GALNTL6: variants seen among roughly 807,000 people sequenced by gnomAD.
GALNTL6 encodes polypeptide N-acetylgalactosaminyltransferase like 6.
A neutral mutation model predicts 73.7 loss-of-function variants in GALNTL6; 46 were observed. The ratio of observed to expected loss-of-function variants is 0.62; its 90% CI spans 0.49 to 0.80. The LOEUF (loss-of-function observed/expected upper bound fraction) is 0.80, where lower values mean the gene tolerates loss of function less well. Among genes scored for constraint, GALNTL6 ranks in the 30% least tolerant of loss-of-function variants. The pLI, the probability that GALNTL6 is intolerant of heterozygous loss-of-function variation, is 0.00. For missense variants in GALNTL6, 604 were observed against 755.0 expected (o/e 0.80, Z 2.34); for synonymous variants, 259 against 263.7 (o/e 0.98, Z 0.17).
At chr4:171,924,670 G>C (rs1737920190) in intron 2 of GALNTL6, among the ~76,000 whole-genome samples, 2 of 152,156 alleles carry the variant, frequency 1.3e-5, no homozygotes, top group African/African-American at 4.8e-5. Context: ...AAGGTATTCT[G>C]TTGGCTTGAA....
intron 2 of GALNTL6, among the ~76,000 whole-genome samples, chr4:172,167,889 G>A (rs1204301830): frequency 6.7e-6 from 1 of 149,702 alleles, no homozygotes; most frequent in Non-Finnish European, 1.5e-5. Context: ...AACCCGGGAA[G>A]CGGAGCTTGC....
chr4:172,611,831 G>T (rs766431206), intron 5 of GALNTL6, among the ~76,000 whole-genome samples: 12 of 152,032 alleles, frequency 7.9e-5, no homozygotes, highest in Admixed American at 1.3e-4. Context: ...AGAAGATGGA[G>T]ATTCTGATTG....
chr4:171,844,293 A>C (rs1735314558), intron 2 of GALNTL6, among the ~76,000 whole-genome samples: 1 of 152,028 alleles, frequency 6.6e-6, no homozygotes, highest in Non-Finnish European at 1.5e-5. Context: ...TCTTCATCCT[A>C]TGGTTAACTT....
chr4:172,901,596 G>A (rs1468750851), intron 8 of GALNTL6, among the ~76,000 whole-genome samples: 1 of 152,062 alleles, frequency 6.6e-6, no homozygotes, highest in African/African-American at 2.4e-5. Context: ...TCATTATCAT[G>A]CATCTTTGTT....
chr4:172,526,495 A>G (rs1734958030), intron 5 of GALNTL6, among the ~76,000 whole-genome samples: 1 of 152,202 alleles, frequency 6.6e-6, no homozygotes, highest in Admixed American at 6.5e-5. Context: ...TTTCAATATT[A>G]TGACTTGTTT....
intron 2 of GALNTL6, among the ~76,000 whole-genome samples, chr4:172,162,207 C>G (rs1734492226): frequency 1.3e-5 from 2 of 151,652 alleles, no homozygotes; most frequent in Non-Finnish European, 2.9e-5. Flanking sequence ...CAATATCTAG[C>G]ATGCCACTCT....
intron 2 of GALNTL6, among the ~76,000 whole-genome samples, chr4:172,019,757 T>C (rs984799312): frequency 1.3e-5 from 2 of 152,054 alleles, no homozygotes; most frequent in African/African-American, 2.4e-5. Flanking sequence ...ATTGGACAGA[T>C]CTTCCAGGAA....
At chr4:172,235,406 T>C (rs79478052) in intron 3 of GALNTL6, among the ~76,000 whole-genome samples, 3,753 of 152,088 alleles carry the variant, frequency 0.025, 146 homozygotes, top group African/African-American at 0.084. Context: ...AGGGTTTCAC[T>C]ATGTTGGCCA....
At chr4:172,906,392 G>C (rs1554001222) in intron 8 of GALNTL6, among the ~76,000 whole-genome samples, 1 of 152,176 alleles carries the variant, frequency 6.6e-6, no homozygotes, top group Non-Finnish European at 1.5e-5. Context: ...ATGGCAAACT[G>C]ACCTTCAAAA....
At chr4:172,714,471 C>CT (rs1228770581) in intron 5 of GALNTL6, among the ~76,000 whole-genome samples, 1 of 152,104 alleles carries the variant, frequency 6.6e-6, no homozygotes, top group Non-Finnish European at 1.5e-5. Flanking sequence ...GTAAGAAAGG[C>CT]TTCAATACAG....
At chr4:172,873,585 G>C (rs769709990) in intron 7 of GALNTL6, among the ~76,000 whole-genome samples, 1 of 152,222 alleles carries the variant, frequency 6.6e-6, no homozygotes, top group Non-Finnish European at 1.5e-5. Flanking sequence ...ACAGGTAGAA[G>C]TAGAACACAA....
At chr4:172,999,153 G>T (rs4572852) in intron 10 of GALNTL6, among the ~76,000 whole-genome samples, 8,719 of 152,174 alleles carry the variant, frequency 0.057, 664 homozygotes, top group African/African-American at 0.17. Context: ...CCCACGCCAA[G>T]GTTGAGATTC....
intron 5 of GALNTL6, among the ~76,000 whole-genome samples, chr4:172,638,844 ATTCT>A (rs1321943789): frequency 6.6e-6 from 1 of 152,114 alleles, no homozygotes; most frequent in Non-Finnish European, 1.5e-5. Flanking sequence ...ACAGTTCTTC[ATTCT>A]TTCTTTGACT....
chr4:171,853,093 G>C (rs1371495380), intron 2 of GALNTL6, among the ~76,000 whole-genome samples: 1 of 137,142 alleles, frequency 7.3e-6, no homozygotes, highest in Non-Finnish European at 1.5e-5. Context: ...TTGATCTCCT[G>C]ACCTCGTGAT....
At chr4:172,004,564 C>A (rs140737902) in intron 2 of GALNTL6, among the ~76,000 whole-genome samples, 43 of 151,858 alleles carry the variant, frequency 2.8e-4, no homozygotes, top group South Asian at 1.3e-3. Context: ...AAAATATTGC[C>A]AATACTTTAA....
rs1002265672 is a variant in GALNTL6 at position 172,262,492 on chromosome 4, T to C, written c.247+32728T>C. 2.0e-5 allele frequency among the ~76,000 whole-genome samples: 3 copies of C among 151,640 alleles called. No homozygotes were observed. In the Admixed American group the frequency reaches 2.0e-4, roughly 10 times the overall value. On this transcript the variant is annotated intron_variant, in intron 3 of 12. Coordinates refer to ENST00000506823, the MANE Select transcript of GALNTL6 (RefSeq NM_001034845.3). The stretch of plus-strand genomic sequence containing the variant: ...GTGTGGAATATCTTTTTCCACCCCT[T>C]TACCTTAAATTTATGTGAGTCCTGA...
intron 5 of GALNTL6, among the ~76,000 whole-genome samples, chr4:172,670,830 G>A (rs887393057): frequency 2.0e-5 from 3 of 152,072 alleles, no homozygotes; most frequent in Non-Finnish European, 4.4e-5. Context: ...TTTTGTATCT[G>A]GTGTAAGGAA....
intron 5 of GALNTL6, among the ~76,000 whole-genome samples, chr4:172,692,528 T>C (rs1733373412): frequency 6.6e-6 from 1 of 152,204 alleles, no homozygotes; most frequent in Non-Finnish European, 1.5e-5. Flanking sequence ...TTTAATATTA[T>C]GTGTGAAAAT....
intron 3 of GALNTL6, among the ~76,000 whole-genome samples, chr4:172,282,415 T>G (rs947192782): frequency 6.6e-6 from 1 of 152,126 alleles, no homozygotes; most frequent in Non-Finnish European, 1.5e-5. Context: ...GGCAAGAAAT[T>G]GCTACAAGCA....
Sources: gnomAD v4.1 joint callset for allele counts (sites outside exome capture counted in the v4.1 genomes callset) on GRCh38, gnomAD v4.1.1 for gene constraint, MANE v1.5 for transcripts, NCBI Gene and HGNC (gene_info 2026-07-23, HGNC 2026-07-21) for gene names.